NAT10: variants seen among roughly 807,000 people sequenced by gnomAD.
The protein encoded by NAT10 is N-acetyltransferase 10, also known as RNA cytidine acetyltransferase.
A neutral mutation model predicts 132.2 loss-of-function variants in NAT10; 109 were observed. That is an observed-to-expected ratio of 0.82 (90% CI 0.71 to 0.97). NAT10 has a LOEUF of 0.97. NAT10 is among the 50% of genes least tolerant of loss of function. The pLI is 0.00. For missense variants in NAT10, 1,184 were observed against 1,263.4 expected (o/e 0.94, Z 0.95); for synonymous variants, 479 against 478.0 (o/e 1.00, Z -0.03).
At chr11:34,127,656 G>A (rs1350109597) in intron 12 of NAT10, 57 bp downstream of exon 12, 4 of 1,551,126 alleles carry the variant, frequency 2.6e-6, no homozygotes, top group East Asian at 4.6e-5. Context: ...CAGATTTAGG[G>A]GCATGTAGTG....
intron 3 of NAT10, among the ~76,000 whole-genome samples, chr11:34,111,821 G>C (rs946401740): frequency 6.6e-6 from 1 of 152,110 alleles, no homozygotes; most frequent in Non-Finnish European, 1.5e-5. Flanking sequence ...AAGGTCACAG[G>C]GCAAAATAGC....
intron 8 of NAT10, among the ~76,000 whole-genome samples, chr11:34,120,439 T>C (rs138726059): frequency 3.4e-4 from 52 of 152,342 alleles, no homozygotes; most frequent in African/African-American, 1.2e-3. Flanking sequence ...CCATCTACCT[T>C]GGCCTGTGTC....
chr11:34,126,440 G>A (rs1038050104), intron 11 of NAT10, among the ~76,000 whole-genome samples: 3 of 152,196 alleles, frequency 2.0e-5, no homozygotes, highest in Non-Finnish European at 4.4e-5. Flanking sequence ...AAAGCTTGTA[G>A]ATCTGGTTGA....
At position 34,139,446 on chromosome 11, in the gene NAT10, G is replaced by A; in HGVS notation, c.2370G>A (p.Leu790=). 3.7e-6 allele frequency: 6 copies of A among 1,614,124 alleles called. No homozygotes were observed. The highest frequency in any genetic ancestry group is 5.1e-6 in the Non-Finnish European group (6 of 1,180,008). ...SYQFSTFSPS[L]ALNIIQNRNM... ...AGTTCAGTACCTTCTCTCCTTCCCT[G>A]GCTCTGAACATCATTCAGAACAGGA... The change falls in exon 23 of 29, where the codon CTG becomes CTA. Residue 790 remains leucine, a synonymous_variant. Coordinates refer to ENST00000257829, the MANE Select transcript of NAT10 (RefSeq NM_024662.3).
intron 12 of NAT10, 83 bp downstream of exon 12, chr11:34,127,682 T>G: frequency 6.7e-7 from 1 of 1,491,010 alleles, no homozygotes; most frequent in Non-Finnish European, 9.0e-7. Flanking sequence ...GGCCTGGGCC[T>G]GGACAGCCAA....
In NAT10 at chr11:34,128,271, T is replaced by G. The variant is rs192978232; in HGVS notation, c.1244+672T>G. 1.7e-3 allele frequency among the ~76,000 whole-genome samples: 251 copies of G among 151,960 alleles called. 5 individuals carry two copies. The highest frequency in any genetic ancestry group is 2.5e-4 in the Non-Finnish European group (17 of 67,992). ...CTGGAGGCTGAGGCAGGAAAATTGC[T>G]TAAACCCAGGAGGTGGAGGCTGCAG... is the stretch of plus-strand genomic sequence containing the variant. On this transcript the variant is annotated intron_variant, in intron 12 of 28. Transcript: ENST00000257829.
intron 8 of NAT10, among the ~76,000 whole-genome samples, chr11:34,120,143 G>GTT (rs771235436): frequency 0.025 from 2,400 of 94,118 alleles, 155 homozygotes; most frequent in South Asian, 0.033. Flanking sequence ...GTTGCTGTTG[G>GTT]TTTTTTTTTT....
At chr11:34,120,116 G>A (rs1851863267) in intron 8 of NAT10, among the ~76,000 whole-genome samples, 1 of 114,684 alleles carries the variant, frequency 8.7e-6, no homozygotes, top group Non-Finnish European at 1.8e-5. Flanking sequence ...GTCATCTGTT[G>A]TTTTGTTGTT....
intron 25 of NAT10, among the ~76,000 whole-genome samples, chr11:34,141,413 C>A (rs1209254435): frequency 3.1e-5 from 2 of 63,660 alleles, no homozygotes; most frequent in African/African-American, 8.7e-5. Flanking sequence ...ACACATCACA[C>A]ACACACACAC....
chr11:34,118,243 G>A lies in NAT10; in HGVS notation c.621G>A (p.Leu207=). ...TCATTGATGACCAGCTCAACATCCT[G>A]CCCATCTCCTCCCACGTTGCCACCA... ...CLVIDDQLNI[L]PISSHVATME... Residue 207 remains leucine, a synonymous_variant, in exon 7 of 29, where the codon CTG becomes CTA. Transcript: ENST00000257829. 1 of 1,614,146 alleles carries A rather than the reference G, an allele frequency of 6.2e-7. No homozygotes were observed. The highest frequency in any genetic ancestry group is 8.5e-7 in the Non-Finnish European group (1 of 1,180,028).
chr11:34,132,217 A>G lies in NAT10; in HGVS notation c.1613A>G (p.Tyr538Cys), dbSNP rs1852119137. ...ATGGCCCTCTACGTGGCTTCTCACT[A>G]CAAGGTAACTGCAGCTAGCCCTTGT... The part of the protein sequence containing the change: ...RLMALYVASH[Y>C]KNSPNDLQML... Residue 538 changes from tyrosine (Y) to cysteine (C), a missense_variant, in exon 15 of 29, where the codon TAC becomes TGC. Transcript: ENST00000257829. The G allele has an allele frequency of 8.1e-6, 13 of 1,612,502 alleles. No individual in the cohort carries two copies. The highest frequency in any genetic ancestry group is 1.1e-5 in the South Asian group (1 of 91,054).
chr11:34,133,121 A>G lies in NAT10; in HGVS notation c.1713A>G (p.Pro571=), dbSNP rs142372039. ...PPVPPTQNAL[P]EVLAVIQVCL... ...TGCCCCCCACCCAGAATGCCCTTCC[A>G]GAAGTGCTTGCTGTTATCCAGGTAT... Residue 571 remains proline, a synonymous_variant, in exon 16 of 29, where the codon CCA becomes CCG. Transcript: ENST00000257829. 4.8e-5 allele frequency: 78 copies of G among 1,613,630 alleles called. No homozygotes were observed. Among genetic ancestry groups the G allele is most frequent in the Non-Finnish European group, 6.6e-5 (78 of 1,179,700 alleles).
At chr11:34,139,313 G>T in intron 22 of NAT10, 26 bp downstream of exon 22, 2 of 1,612,846 alleles carry the variant, frequency 1.2e-6, no homozygotes, top group South Asian at 2.2e-5. Flanking sequence ...GGGTTTGGGG[G>T]AGACAATGAG....
intron 16 of NAT10, 128 bp from the exon 17 acceptor site, chr11:34,134,191 G>C: frequency 1.3e-6 from 1 of 749,310 alleles, no homozygotes; most frequent in East Asian, 2.5e-5. Flanking sequence ...GGATGTGTCA[G>C]TGTCAGGGTT....
rs1173371896 is a variant in NAT10, at chr11:34,146,311, G to A, written c.*119G>A. The A allele has an allele frequency of 5.9e-5, 42 of 707,922 alleles. No homozygotes were observed. Among genetic ancestry groups the A allele is most frequent in the Non-Finnish European group, 9.0e-5 (39 of 433,274 alleles). The allele number at this position is 707,922 out of a possible 1,614,324, so 43.9% of individuals were successfully genotyped here. ...CCCGGCACACCTGGAAGCTGGCCGC[G>A]AATTCGGCCTCTGGGCCTGTGTGTC... On this transcript the variant is annotated 3_prime_UTR_variant, in exon 29 of 29. Coordinates refer to ENST00000257829, the MANE Select transcript of NAT10 (RefSeq NM_024662.3).
chr11:34,145,980 C>A, intron 28 of NAT10, 104 bp from the exon 29 acceptor site: 1 of 790,010 alleles, frequency 1.3e-6, no homozygotes, highest in Non-Finnish European at 2.0e-6. Context: ...CATCAAGTTT[C>A]AGACGGTGGA....
rs1244833034 is a variant in NAT10, at chr11:34,141,201, T to A, written c.2705T>A (p.Val902Asp). ...CTTTTCAACCGGATCATCCGCAAAG[T>A]TGTGAAGGTAACCTCAGCCTGAGGG... ...MGLFNRIIRKVVKLFNEVQEK... is the reference protein window; with the variant it reads ...MGLFNRIIRKDVKLFNEVQEK... Residue 902 changes from valine to aspartate, a missense_variant, in exon 25 of 29, where the codon GTT (valine) becomes GAT (aspartate). Val to Asp is a radical substitution (Grantham distance 152, BLOSUM62 -3). Coordinates refer to ENST00000257829, the MANE Select transcript of NAT10 (RefSeq NM_024662.3). The A allele has an allele frequency of 6.2e-7, 1 of 1,614,020 alleles. No homozygotes were observed. Among genetic ancestry groups the A allele is most frequent in the Non-Finnish European group, 8.5e-7 (1 of 1,179,994 alleles).
At chr11:34,141,288 A>G (rs1852323796) in intron 25 of NAT10, 80 bp downstream of exon 25, 3 of 1,578,002 alleles carry the variant, frequency 1.9e-6, no homozygotes, top group Non-Finnish European at 2.6e-6. Context: ...AGATGAACAC[A>G]TGTTAGCATT....
chr11:34,112,855 C>T (rs1421949613), intron 4 of NAT10, among the ~76,000 whole-genome samples: 1 of 152,106 alleles, frequency 6.6e-6, no homozygotes, highest in South Asian at 2.1e-4. Context: ...TCTTTGATTC[C>T]TGTGCCACCT....
Sources: allele counts gnomAD v4.1 joint callset (sites outside exome capture counted in the v4.1 genomes callset), GRCh38; gene constraint gnomAD v4.1.1; transcripts MANE v1.5; gene names NCBI Gene and HGNC (gene_info 2026-07-23, HGNC 2026-07-21).